ACACA: variants seen among roughly 807,000 people sequenced by gnomAD.
ACACA encodes acetyl-CoA carboxylase 1.
In ACACA, 103 loss-of-function variants were observed where a neutral mutation model predicts 296.1. That is an observed-to-expected ratio of 0.35 (90% CI 0.30 to 0.41). ACACA has a LOEUF of 0.41. Ranked by LOEUF, ACACA falls within the 10% of genes least tolerant of loss-of-function variation. ACACA has a pLI of 1.00. For missense variants in ACACA, 1,554 were observed against 2,989.7 expected (o/e 0.52, Z 11.20); for synonymous variants, 953 against 1,038.6 (o/e 0.92, Z 1.58).
rs565048665 is a variant in ACACA at position 37,180,289 on chromosome 17, G to A, written c.4933-883C>T. 2.0e-3 allele frequency among the ~76,000 whole-genome samples: 310 copies of A among 152,262 alleles called. 3 individuals are homozygous for A. The highest frequency in any genetic ancestry group is 7.0e-3 in the African/African-American group (293 of 41,566). The stretch of plus-strand genomic sequence containing the variant: ...AGCAATGCTATAAAAGGGAAATACC[G>A]AATGAAGGTATCTTTCAGGAGACAG... On this transcript the variant is annotated intron_variant, in intron 40 of 55. Coordinates refer to ENST00000616317, the MANE Select transcript of ACACA (RefSeq NM_198834.3).
At chr17:37,289,944 T>C (rs1016672242) in intron 3 of ACACA, among the ~76,000 whole-genome samples, 1 of 152,220 alleles carries the variant, frequency 6.6e-6, no homozygotes, top group African/African-American at 2.4e-5. Flanking sequence ...TGTGTGTTCC[T>C]TGAGGTCAGA....
At chr17:37,287,457 C>T (rs1189664705) in intron 3 of ACACA, among the ~76,000 whole-genome samples, 1 of 151,390 alleles carries the variant, frequency 6.6e-6, no homozygotes, top group Non-Finnish European at 1.5e-5. Context: ...CAAGGCCAGG[C>T]ATGGTGGCTC....
At chr17:37,287,183 A>G (rs2082814694) in intron 3 of ACACA, among the ~76,000 whole-genome samples, 1 of 152,176 alleles carries the variant, frequency 6.6e-6, no homozygotes, top group African/African-American at 2.4e-5. Flanking sequence ...CCTTTCCCCT[A>G]CAATTTAAAC....
chr17:37,122,179 C>T (rs1260362113), intron 49 of ACACA, among the ~76,000 whole-genome samples: 1 of 152,126 alleles, frequency 6.6e-6, no homozygotes, highest in Non-Finnish European at 1.5e-5. Context: ...CAGACTTCAC[C>T]GTTAACTCTA....
At chr17:37,264,755 T>A (rs1266478840) in intron 10 of ACACA, among the ~76,000 whole-genome samples, 2 of 152,238 alleles carry the variant, frequency 1.3e-5, no homozygotes, top group African/African-American at 4.8e-5. Context: ...TGTTAGACCA[T>A]TTCACATAAC....
At chr17:37,298,424 G>A (rs1009799770) in intron 3 of ACACA, among the ~76,000 whole-genome samples, 2 of 152,172 alleles carry the variant, frequency 1.3e-5, no homozygotes, top group Admixed American at 1.3e-4. Context: ...ACAGTGGCCT[G>A]TAATACCAAC....
intron 3 of ACACA, among the ~76,000 whole-genome samples, chr17:37,323,468 A>G (rs988449692): frequency 6.6e-6 from 1 of 152,322 alleles, no homozygotes; most frequent in South Asian, 2.1e-4. Context: ...GGTGGTGCAC[A>G]CCTATAATCT....
At chr17:37,358,891 G>C in intron 1 of ACACA, 1 of 953,340 alleles carries the variant, frequency 1.0e-6, no homozygotes, top group Non-Finnish European at 1.2e-6. Flanking sequence ...CAGGCCGCGT[G>C]CGGGTGAGCG....
At chr17:37,182,999 T>C (rs2077382732) in intron 39 of ACACA, among the ~76,000 whole-genome samples, 1 of 152,202 alleles carries the variant, frequency 6.6e-6, no homozygotes, top group African/African-American at 2.4e-5. Context: ...ATTAGTAATG[T>C]CTTAGGAATG....
intron 3 of ACACA, among the ~76,000 whole-genome samples, chr17:37,317,527 T>A (rs564221842): frequency 6.6e-6 from 1 of 152,122 alleles, no homozygotes; most frequent in African/African-American, 2.4e-5. Flanking sequence ...CATGCCACTG[T>A]ACTCCAGCCT....
intron 10 of ACACA, 58 bp from the exon 11 acceptor site, chr17:37,263,952 A>AT: frequency 7.1e-7 from 1 of 1,418,044 alleles, no homozygotes; most frequent in Admixed American, 1.8e-5. Flanking sequence ...CTTTTTATCT[A>AT]TCTTGATAAG....
chr17:37,213,259 G>A (rs2078836231), intron 29 of ACACA, among the ~76,000 whole-genome samples: 1 of 151,446 alleles, frequency 6.6e-6, no homozygotes, highest in Non-Finnish European at 1.5e-5. Flanking sequence ...CGAAGGTTGA[G>A]GTGGAAGGAT....
In ACACA at chr17:37,088,939, T is replaced by C; in HGVS notation, c.7027A>G (p.Ser2343Gly). The change falls in exon 55 of 56, where the codon AGC becomes GGC. Residue 2343 changes from serine (S) to glycine (G), a missense_variant and splice_region_variant. Transcript: ENST00000616317. ...TGGAGTTCCCCACGTTGGTCTCACC[T>C]GCGGATTTGCTTGAGGACGTAGTCT... ...SRDYVLKQIR[S>G]LVQANPEVAM... 1 of 1,614,236 alleles carries C rather than the reference T, an allele frequency of 6.2e-7. No individual in the cohort carries two copies. Among genetic ancestry groups the C allele is most frequent in the Non-Finnish European group, 8.5e-7 (1 of 1,180,034 alleles).
intron 41 of ACACA, among the ~76,000 whole-genome samples, chr17:37,162,331 T>G (rs536811411): frequency 2.0e-5 from 3 of 152,232 alleles, no homozygotes; most frequent in Non-Finnish European, 4.4e-5. Flanking sequence ...GCACTCAGGA[T>G]ACATGTGGAA....
chr17:37,130,336 T>C, intron 45 of ACACA, 118 bp from the exon 46 acceptor site: 2 of 1,298,174 alleles, frequency 1.5e-6, no homozygotes, highest in Non-Finnish European at 2.2e-6. Flanking sequence ...TCAGTCTCCA[T>C]GGGTTGGTTG....
In ACACA at chr17:37,121,414, C is replaced by T. The variant is rs2074522125; in HGVS notation, c.6215G>A (p.Arg2072Gln). The change falls in exon 50 of 56, where the codon CGG becomes CAG. Residue 2072 changes from arginine to glutamine, a missense_variant. By Grantham distance (43) the Arg-to-Gln change is conservative (BLOSUM62 1). Coordinates refer to ENST00000616317, the MANE Select transcript of ACACA (RefSeq NM_198834.3). ...AAAGACCATCAGAGGCAGCCCTTCC[C>T]GGTTGAAGTCCTTGATGGCCTGATA... is the stretch of plus-strand genomic sequence containing the variant. ...KTYQAIKDFN[R>Q]EGLPLMVFAN... 6.2e-6 allele frequency: 10 copies of T among 1,614,134 alleles called. No homozygotes were observed. Among genetic ancestry groups the T allele is most frequent in the African/African-American group, 1.3e-5 (1 of 75,016 alleles).
At chr17:37,114,835 T>G (rs1376673855) in intron 50 of ACACA, among the ~76,000 whole-genome samples, 4 of 152,226 alleles carry the variant, frequency 2.6e-5, no homozygotes, top group African/African-American at 9.6e-5. Flanking sequence ...GGATCTCAAT[T>G]TGGAATAAAT....
chr17:37,106,358 T>G (rs1462246243), intron 52 of ACACA, among the ~76,000 whole-genome samples: 1 of 152,168 alleles, frequency 6.6e-6, no homozygotes, highest in Non-Finnish European at 1.5e-5. Flanking sequence ...GTATCTAGCT[T>G]TTTTTAAAAC....
At chr17:37,311,944 G>A (rs1050475185) in intron 3 of ACACA, among the ~76,000 whole-genome samples, 19 of 151,914 alleles carry the variant, frequency 1.3e-4, no homozygotes, top group Non-Finnish European at 2.5e-4. Flanking sequence ...CAGCATTTCA[G>A]AAGGTCTTTA....
Sources: gnomAD v4.1 joint callset for allele counts (sites outside exome capture counted in the v4.1 genomes callset) on GRCh38, gnomAD v4.1.1 for gene constraint, MANE v1.5 for transcripts, NCBI Gene and HGNC (gene_info 2026-07-23, HGNC 2026-07-21) for gene names.